The following SLC38A9 variants were observed in gnomAD, a reference collection of about 807,000 sequenced individuals.
The protein encoded by SLC38A9 is neutral amino acid transporter 9.
In SLC38A9, 48 loss-of-function variants were observed where a neutral mutation model predicts 62.3. That is an observed-to-expected ratio of 0.77 (90% CI 0.61 to 0.98). SLC38A9 has a LOEUF of 0.98. Among genes scored for constraint, SLC38A9 ranks in the 50% least tolerant of loss-of-function variants. SLC38A9 has a pLI of 0.00. For synonymous variants in SLC38A9, 204 were observed against 227.7 expected (o/e 0.90, Z 0.94); for missense variants, 541 against 679.8 (o/e 0.80, Z 2.27).
At chr5:55,672,284 A>C (rs1751454115) in intron 4 of SLC38A9, among the ~76,000 whole-genome samples, 1 of 152,196 alleles carries the variant, frequency 6.6e-6, no homozygotes, top group Non-Finnish European at 1.5e-5. Context: ...TTCAAAAGTA[A>C]TTTATCCTCC....
intron 1 of SLC38A9, 82 bp from the exon 2 acceptor site, chr5:55,711,581 C>G (rs1051134246): frequency 1.3e-5 from 2 of 152,152 alleles, no homozygotes; most frequent in Non-Finnish European, 2.9e-5. Flanking sequence ...TCAAGCTACC[C>G]ACTATCAACA....
At chr5:55,707,824 T>C (rs1020116709) in intron 2 of SLC38A9, among the ~76,000 whole-genome samples, 2 of 152,206 alleles carry the variant, frequency 1.3e-5, no homozygotes, top group African/African-American at 2.4e-5. Context: ...TGGAGGTAAT[T>C]ATGTCAGGAA....
Position 55,670,408 on chromosome 5 carries a change from C to T in SLC38A9, c.247-529G>A, listed in dbSNP as rs188198488. On this transcript the variant is annotated intron_variant, in intron 4 of 15. Transcript: ENST00000396865. ...AAATAATTTTGGAATTTTCAGAAAA[C>T]GAGTGTGGATGCAAGTACTATGCAT... 1.3e-3 allele frequency among the ~76,000 whole-genome samples: 203 copies of T among 151,980 alleles called. No homozygotes were observed. In the Middle Eastern group the frequency reaches 0.014, roughly 10 times the overall value.
chr5:55,648,391 G>A (rs560400616), intron 11 of SLC38A9, among the ~76,000 whole-genome samples: 2 of 152,120 alleles, frequency 1.3e-5, no homozygotes, highest in East Asian at 3.9e-4. Flanking sequence ...AAAGAACATA[G>A]ACATTTACAC....
intron 14 of SLC38A9, among the ~76,000 whole-genome samples, chr5:55,631,369 C>G (rs1468097833): frequency 6.6e-6 from 1 of 151,770 alleles, no homozygotes; most frequent in African/African-American, 2.4e-5. Flanking sequence ...AATGTGAAAA[C>G]AAAAGGGAAA....
At chr5:55,694,636 G>C (rs192539610) in intron 3 of SLC38A9, among the ~76,000 whole-genome samples, 1 of 152,102 alleles carries the variant, frequency 6.6e-6, no homozygotes, top group East Asian at 1.9e-4. Context: ...AATTGCACAA[G>C]AAATATAGGA....
At chr5:55,661,434 G>C (rs1413909435) in intron 8 of SLC38A9, among the ~76,000 whole-genome samples, 8 of 92,014 alleles carry the variant, frequency 8.7e-5, no homozygotes, top group African/African-American at 3.7e-4. Flanking sequence ...GACAGAGCAA[G>C]ACTCCGTCTC....
At position 55,711,293 on chromosome 5, in the gene SLC38A9, G is replaced by GAA. The variant is rs11404858; in HGVS notation, c.-35+157_-35+158dup. 5.8e-3 allele frequency: 846 copies of GAA among 145,510 alleles called. 3 individuals carry two copies. The highest frequency in any genetic ancestry group is 9.5e-3 in the Non-Finnish European group (633 of 66,906). 9.0% of individuals were successfully genotyped at this position (145,510 alleles called of 1,614,324 possible). A position where few individuals can be genotyped will look rare whatever the true frequency, so the allele number is the denominator to read the frequency against. On this transcript the variant is annotated intron_variant, in intron 2 of 15. Transcript: ENST00000396865. The stretch of plus-strand genomic sequence containing the variant: ...GGGCGACAGAGCGAGACTCTTGTCT[G>GAA]AAAAAAAAAAAGAAAGAAAAGAAAA...
intron 2 of SLC38A9, among the ~76,000 whole-genome samples, chr5:55,701,705 G>A (rs1172711229): frequency 6.6e-6 from 1 of 152,182 alleles, no homozygotes; most frequent in South Asian, 2.1e-4. Context: ...GGTAGAGGTC[G>A]GGGATGCTGA....
At chr5:55,659,342 T>C (rs573029518) in intron 8 of SLC38A9, among the ~76,000 whole-genome samples, 1 of 151,618 alleles carries the variant, frequency 6.6e-6, no homozygotes, top group Non-Finnish European at 1.5e-5. Flanking sequence ...TATAAATGTA[T>C]GTATACATAT....
chr5:55,670,835 T>C (rs1751186586), intron 4 of SLC38A9, among the ~76,000 whole-genome samples: 1 of 151,960 alleles, frequency 6.6e-6, no homozygotes, highest in Admixed American at 6.6e-5. Context: ...ATTATGGAAC[T>C]AAGACTTCGC....
intron 8 of SLC38A9, among the ~76,000 whole-genome samples, chr5:55,662,686 C>CA (rs1491345220): frequency 1.9e-3 from 78 of 41,850 alleles, no homozygotes; most frequent in African/African-American, 4.3e-3. Context: ...CAAAAAAAAA[C>CA]CAAAAAAAAA....
At position 55,671,502 on chromosome 5, in the gene SLC38A9, C is replaced by CTTTTTT. The variant is rs145470405; in HGVS notation, c.246+1060_246+1061insAAAAAA. On this transcript the variant is annotated intron_variant, in intron 4 of 15. Transcript: ENST00000396865. ...TGTGTACATATTTCAGTTTCCCATTCTTCTTTTTTTTTTTTTTTAAGAGAT... is the reference window on the plus strand; with the variant it reads ...TGTGTACATATTTCAGTTTCCCATTCTTTTTTTTCTTTTTTTTTTTTTTTAAGAGAT... Among the ~76,000 whole-genome samples the CTTTTTT allele has an allele frequency of 2.1e-5, 3 of 144,348 alleles. 1 individual carries two copies. Among genetic ancestry groups the CTTTTTT allele is most frequent in the African/African-American group, 5.1e-5 (2 of 39,588 alleles). 94.7% of individuals were successfully genotyped at this position (144,348 alleles called of 152,430 possible).
intron 2 of SLC38A9, among the ~76,000 whole-genome samples, chr5:55,707,230 A>C (rs1757407395): frequency 6.6e-6 from 1 of 152,204 alleles, no homozygotes; most frequent in African/African-American, 2.4e-5. Flanking sequence ...AGTATAAAAT[A>C]TCCCGAAGTT....
intron 10 of SLC38A9, among the ~76,000 whole-genome samples, chr5:55,651,268 T>TTTTTTAA: frequency 6.8e-6 from 1 of 146,542 alleles, no homozygotes; most frequent in African/African-American, 2.5e-5. Context: ...TTTTTTTTTT[T>TTTTTTAA]AAGACAGAGT....
chr5:55,652,057 T>A (rs1747590941), intron 10 of SLC38A9, among the ~76,000 whole-genome samples: 1 of 150,388 alleles, frequency 6.6e-6, no homozygotes, highest in Non-Finnish European at 1.5e-5. Flanking sequence ...AAAATCAGGT[T>A]ATCATAAGAA....
chr5:55,656,918 T>G (rs1446240848), intron 8 of SLC38A9, 144 bp from the exon 9 acceptor site: 1 of 376,512 alleles, frequency 2.7e-6, no homozygotes, highest in Admixed American at 4.6e-5. Context: ...TAGAGTGCAG[T>G]GGCACGATCT....
chr5:55,626,696 T>C, intron 15 of SLC38A9, 37 bp from the exon 16 acceptor site: 1 of 1,539,970 alleles, frequency 6.5e-7, no homozygotes, highest in Non-Finnish European at 8.7e-7. Context: ...ATATTCATCT[T>C]GCACTTTGCT....
intron 2 of SLC38A9, among the ~76,000 whole-genome samples, chr5:55,701,769 C>A (rs921751367): frequency 6.6e-6 from 1 of 152,180 alleles, no homozygotes. Context: ...TTATTACTTA[C>A]CCTGTAAATT....
Sources: allele counts gnomAD v4.1 joint callset (sites outside exome capture counted in the v4.1 genomes callset), GRCh38; gene constraint gnomAD v4.1.1; transcripts MANE v1.5; gene names NCBI Gene and HGNC (gene_info 2026-07-23, HGNC 2026-07-21).